Variants in GLI3 observed in about 807,000 individuals in gnomAD.
GLI3 encodes the protein GLI family zinc finger 3.
Under a neutral mutation model 100.8 loss-of-function variants are expected in GLI3, and 20 were observed. The observed-to-expected ratio is 0.20, with a 90% CI of 0.14 to 0.29. GLI3 has a LOEUF of 0.29. Ranked by LOEUF, GLI3 falls within the 10% of genes least tolerant of loss-of-function variation. The pLI is 1.00. For missense variants in GLI3, 2,040 were observed against 2,128.5 expected (o/e 0.96, Z 0.82); for synonymous variants, 938 against 860.5 (o/e 1.09, Z -1.58).
intron 3 of GLI3, among the ~76,000 whole-genome samples, chr7:42,144,529 GTTTTC>G (rs1403272761): frequency 6.6e-6 from 1 of 151,724 alleles, no homozygotes; most frequent in Non-Finnish European, 1.5e-5. Context: ...CTGTCCCTGA[GTTTTC>G]TTTTTTCTTT....
At chr7:42,102,910 C>G (rs1364548088) in intron 3 of GLI3, among the ~76,000 whole-genome samples, 1 of 152,322 alleles carries the variant, frequency 6.6e-6, no homozygotes, top group East Asian at 1.9e-4. Flanking sequence ...TTATAACATA[C>G]AGCAAACTCA....
At chr7:41,995,141 T>G (rs1336083873) in intron 10 of GLI3, among the ~76,000 whole-genome samples, 1 of 152,216 alleles carries the variant, frequency 6.6e-6, no homozygotes, top group Non-Finnish European at 1.5e-5. Flanking sequence ...TGTCTGTATA[T>G]TTCATTTGTC....
At chr7:42,095,796 T>C (rs1312415446) in intron 3 of GLI3, among the ~76,000 whole-genome samples, 2 of 152,004 alleles carry the variant, frequency 1.3e-5, no homozygotes, top group Non-Finnish European at 2.9e-5. Flanking sequence ...GAGGTGGATC[T>C]GGGATTTGAG....
At chr7:42,143,665 G>C (rs988350941) in intron 3 of GLI3, among the ~76,000 whole-genome samples, 1 of 152,126 alleles carries the variant, frequency 6.6e-6, no homozygotes, top group Non-Finnish European at 1.5e-5. Flanking sequence ...AAAAATTCAG[G>C]GTTTTTTCTT....
Position 42,195,485 on chromosome 7 carries a change from T to C in GLI3, c.124+27645A>G, listed in dbSNP as rs144370470. Among the ~76,000 whole-genome samples the C allele has an allele frequency of 6.5e-3, 993 of 152,308 alleles. 15 individuals are homozygous for C. Among genetic ancestry groups the C allele is most frequent in the African/African-American group, 0.023 (948 of 41,562 alleles). ...CTCCCTTTGTACCTGCCTCCTCACATCTGTTTTTACAGTGCTTTTTCTGAT... is the reference window on the plus strand; with the variant it reads ...CTCCCTTTGTACCTGCCTCCTCACACCTGTTTTTACAGTGCTTTTTCTGAT... On this transcript the variant is annotated intron_variant, in intron 2 of 14. Transcript: ENST00000395925.
chr7:42,045,294 AC>A, intron 6 of GLI3, 89 bp downstream of exon 6: 1 of 1,253,040 alleles, frequency 8.0e-7, no homozygotes, highest in East Asian at 2.3e-5. Flanking sequence ...AAAAAGTTAC[AC>A]AATCACCTAA....
At chr7:42,147,905 G>C (rs1048027015) in intron 3 of GLI3, among the ~76,000 whole-genome samples, 1 of 152,100 alleles carries the variant, frequency 6.6e-6, no homozygotes, top group Non-Finnish European at 1.5e-5. Flanking sequence ...TGCAGCATCT[G>C]TTTGGATGGA....
chr7:42,263,151 AGCT>A, intron 1 of GLI3, among the ~76,000 whole-genome samples: 1 of 152,288 alleles, frequency 6.6e-6, no homozygotes, highest in South Asian at 2.1e-4. Context: ...GATCCAGCAT[AGCT>A]GGTCTCGTGT....
chr7:42,233,901 T>C (rs1030533901), intron 1 of GLI3, among the ~76,000 whole-genome samples: 2 of 152,300 alleles, frequency 1.3e-5, no homozygotes, highest in East Asian at 3.9e-4. Flanking sequence ...TGTGTGTGTG[T>C]CCTATAAAGT....
intron 7 of GLI3, among the ~76,000 whole-genome samples, chr7:42,039,210 G>C (rs1173451164): frequency 6.6e-6 from 1 of 152,148 alleles, no homozygotes; most frequent in Non-Finnish European, 1.5e-5. Context: ...AACAATAAAT[G>C]ATCAGGTAAT....
chr7:42,043,126 C>T (rs1009582796), intron 6 of GLI3, among the ~76,000 whole-genome samples: 6 of 152,064 alleles, frequency 3.9e-5, no homozygotes, highest in African/African-American at 1.2e-4. Flanking sequence ...TCCCAGGTTT[C>T]GATCTACCAC....
intron 4 of GLI3, among the ~76,000 whole-genome samples, chr7:42,076,006 T>C (rs1330769803): frequency 6.6e-6 from 1 of 152,228 alleles, no homozygotes; most frequent in South Asian, 2.1e-4. Flanking sequence ...TAGATATGAA[T>C]AAATGTATAT....
intron 2 of GLI3, among the ~76,000 whole-genome samples, chr7:42,193,053 G>C (rs180844439): frequency 3.3e-5 from 5 of 152,224 alleles, no homozygotes; most frequent in Admixed American, 3.3e-4. Flanking sequence ...AAAAAGGGGG[G>C]AAACGACCAC....
intron 10 of GLI3, among the ~76,000 whole-genome samples, chr7:42,014,902 T>A (rs1788714360): frequency 6.6e-6 from 1 of 152,258 alleles, no homozygotes. Context: ...CCTGTGCAAC[T>A]GAAATCAATG....
rs984196484 is a variant in GLI3, at chr7:42,170,259, A to G, written c.125-21791T>C. Among the ~76,000 whole-genome samples the G allele has an allele frequency of 2.2e-4, 22 of 100,370 alleles. No individual in the cohort carries two copies. The Admixed American group carries it at 2.3e-3, about 10-fold the overall frequency. 65.8% of individuals were successfully genotyped at this position (100,370 alleles called of 152,430 possible). ...AAAGCAAGACTGTGTTTCAAAAAAAAAAAAAATTATATATATATATATATA... is the reference window on the plus strand; with the variant it reads ...AAAGCAAGACTGTGTTTCAAAAAAAGAAAAAATTATATATATATATATATA... On this transcript the variant is annotated intron_variant, in intron 2 of 14. Transcript: ENST00000395925.
Position 42,067,064 on chromosome 7 carries a change from T to C in GLI3, c.473+9688A>G, listed in dbSNP as rs576552872. Reference sequence around the variant, plus strand: ...ATAAAAAAACATAAAATACTTACTTTAAATAAATCAATACAACATGGCAGG... The same window carrying C: ...ATAAAAAAACATAAAATACTTACTTCAAATAAATCAATACAACATGGCAGG... On this transcript the variant is annotated intron_variant, in intron 4 of 14. Coordinates refer to ENST00000395925, the MANE Select transcript of GLI3 (RefSeq NM_000168.6). Among the ~76,000 whole-genome samples, 23 of 152,276 alleles carry C rather than the reference T, an allele frequency of 1.5e-4. No individual in the cohort carries two copies. The South Asian group carries it at 3.9e-3, about 26-fold the overall frequency.
chr7:42,172,412 T>C (rs1477817292), intron 2 of GLI3: 7 of 612,804 alleles, frequency 1.1e-5, no homozygotes, highest in Non-Finnish European at 2.1e-5. Context: ...GGCTGGCATT[T>C]CTATCAAAAA....
chr7:42,144,360 C>T (rs1381200331), intron 3 of GLI3, among the ~76,000 whole-genome samples: 2 of 152,130 alleles, frequency 1.3e-5, no homozygotes, highest in Non-Finnish European at 2.9e-5. Context: ...TAGCTGAAAG[C>T]CTGTCAACAC....
chr7:42,169,618 C>A (rs1265638254), intron 2 of GLI3, among the ~76,000 whole-genome samples: 1 of 151,972 alleles, frequency 6.6e-6, no homozygotes, highest in East Asian at 1.9e-4. Context: ...GGGTACATAC[C>A]CAAAGAAGTA....
Sources: allele counts gnomAD v4.1 joint callset (sites outside exome capture counted in the v4.1 genomes callset), GRCh38; gene constraint gnomAD v4.1.1; transcripts MANE v1.5; gene names NCBI Gene and HGNC (gene_info 2026-07-23, HGNC 2026-07-21).